TSHZ2: variants seen among roughly 807,000 people sequenced by gnomAD.
TSHZ2 encodes the protein teashirt zinc finger homeobox 2, also known as teashirt homolog 2.
In TSHZ2, 21 loss-of-function variants were observed where a neutral mutation model predicts 74.4. The observed-to-expected ratio is 0.28, with a 90% CI of 0.20 to 0.41. The LOEUF (loss-of-function observed/expected upper bound fraction) is 0.41, where lower values mean the gene tolerates loss of function less well. TSHZ2 is among the 10% of genes least tolerant of loss of function. TSHZ2 has a pLI of 1.00. For missense variants in TSHZ2, 1,244 were observed against 1,293.5 expected, an observed-to-expected ratio of 0.96 and a Z score of 0.59; for synonymous variants, 540 against 515.3, an observed-to-expected ratio of 1.05 and a Z score of -0.65.
At chr20:53,051,494 C>CACACACAA (rs1234256850) in intron 1 of TSHZ2, among the ~76,000 whole-genome samples, 4 of 147,798 alleles carry the variant, frequency 2.7e-5, no homozygotes, top group Admixed American at 1.3e-4. Context: ...CACACACACA[C>CACACACAA]AATTCAGGTG....
intron 2 of TSHZ2, among the ~76,000 whole-genome samples, chr20:53,443,687 G>C (rs1273650297): frequency 2.0e-5 from 3 of 152,202 alleles, no homozygotes; most frequent in Non-Finnish European, 4.4e-5. Flanking sequence ...GAAGGGGCTT[G>C]GCAGTCACAC....
chr20:53,231,320 C>A (rs1263942831), intron 1 of TSHZ2, among the ~76,000 whole-genome samples: 1 of 152,150 alleles, frequency 6.6e-6, no homozygotes, highest in Non-Finnish European at 1.5e-5. Context: ...GTAAATCAAC[C>A]CATGCGCCCC....
intron 2 of TSHZ2, among the ~76,000 whole-genome samples, chr20:53,452,162 G>A (rs972614939): frequency 2.0e-5 from 3 of 152,226 alleles, no homozygotes; most frequent in Non-Finnish European, 2.9e-5. Context: ...CTAGGCAAGT[G>A]GCTTAGGGCT....
intron 1 of TSHZ2, among the ~76,000 whole-genome samples, chr20:53,217,116 C>G (rs998949961): frequency 1.4e-4 from 22 of 152,192 alleles, no homozygotes; most frequent in Non-Finnish European, 1.0e-4. Flanking sequence ...GCGGCTGTAT[C>G]GATGGATGAG....
intron 1 of TSHZ2, among the ~76,000 whole-genome samples, chr20:53,170,534 C>T (rs973819362): frequency 4.6e-5 from 7 of 152,118 alleles, no homozygotes; most frequent in African/African-American, 9.7e-5. Context: ...TGGCGGGGGC[C>T]GGGGAGGCTG....
intron 1 of TSHZ2, among the ~76,000 whole-genome samples, chr20:53,090,762 G>A (rs1015861016): frequency 2.6e-5 from 4 of 152,232 alleles, no homozygotes; most frequent in East Asian, 1.9e-4. Context: ...AGGCTTCATC[G>A]AGCCTCTGGT....
chr20:53,388,431 C>T (rs142615370), intron 2 of TSHZ2, among the ~76,000 whole-genome samples: 63 of 152,144 alleles, frequency 4.1e-4, no homozygotes, highest in East Asian at 3.5e-3. Context: ...ACAGGAAATG[C>T]GCATCAAAAC....
intron 2 of TSHZ2, among the ~76,000 whole-genome samples, chr20:53,482,140 T>C (rs1986169852): frequency 8.2e-6 from 1 of 122,352 alleles, no homozygotes; most frequent in Non-Finnish European, 1.7e-5. Context: ...AAAAAGTAAC[T>C]ATACTCAGAT....
intron 1 of TSHZ2, among the ~76,000 whole-genome samples, chr20:53,106,964 C>T (rs1986395253): frequency 2.0e-5 from 3 of 152,130 alleles, no homozygotes; most frequent in Admixed American, 2.0e-4. Context: ...TCCCAAAGTC[C>T]TGGGATTACA....
intron 1 of TSHZ2, among the ~76,000 whole-genome samples, chr20:53,026,292 C>T (rs1281200289): frequency 6.6e-6 from 1 of 152,050 alleles, no homozygotes; most frequent in African/African-American, 2.4e-5. Flanking sequence ...CCACCTCTGG[C>T]CCCAACTGTA....
intron 1 of TSHZ2, among the ~76,000 whole-genome samples, chr20:53,025,749 T>C (rs1983415563): frequency 6.6e-6 from 1 of 152,158 alleles, no homozygotes; most frequent in Non-Finnish European, 1.5e-5. Context: ...ACAAAATGAA[T>C]CCTCTCTTGA....
At chr20:53,366,185 T>C (rs1339249744) in intron 2 of TSHZ2, among the ~76,000 whole-genome samples, 2 of 152,208 alleles carry the variant, frequency 1.3e-5, no homozygotes, top group African/African-American at 2.4e-5. Flanking sequence ...TTGGAGTAAG[T>C]CACAACTTAC....
chr20:53,335,141 G>T (rs768062034), intron 2 of TSHZ2, among the ~76,000 whole-genome samples: 1 of 152,140 alleles, frequency 6.6e-6, no homozygotes, highest in Non-Finnish European at 1.5e-5. Context: ...AGCAAGCAGC[G>T]TCAGCATCGC....
intron 1 of TSHZ2, among the ~76,000 whole-genome samples, chr20:53,222,183 C>A (rs947731162): frequency 6.6e-6 from 1 of 152,206 alleles, no homozygotes; most frequent in African/African-American, 2.4e-5. Flanking sequence ...CAGCAGTCCA[C>A]TCTACCCCTC....
chr20:53,155,904 C>T (rs984872467), intron 1 of TSHZ2, among the ~76,000 whole-genome samples: 4 of 152,118 alleles, frequency 2.6e-5, no homozygotes, highest in Non-Finnish European at 4.4e-5. Flanking sequence ...GACAATACCA[C>T]CCCTGGATGT....
At chr20:53,218,059 G>A (rs924641050) in intron 1 of TSHZ2, among the ~76,000 whole-genome samples, 7 of 152,158 alleles carry the variant, frequency 4.6e-5, no homozygotes, top group Non-Finnish European at 1.5e-5. Context: ...TGAGAAAGCC[G>A]AGGCTCCTTT....
chr20:53,118,953 C>T (rs775227880), intron 1 of TSHZ2, among the ~76,000 whole-genome samples: 5 of 151,786 alleles, frequency 3.3e-5, no homozygotes, highest in Non-Finnish European at 7.4e-5. Flanking sequence ...GAAGTGGGAG[C>T]GAGAGGGAGA....
At chr20:53,341,111 T>C (rs1405744211) in intron 2 of TSHZ2, among the ~76,000 whole-genome samples, 1 of 152,180 alleles carries the variant, frequency 6.6e-6, no homozygotes, top group Non-Finnish European at 1.5e-5. Context: ...TAGAGGACAG[T>C]CCCTGGCACA....
Position 53,255,515 on chromosome 20 carries a change from C to T in TSHZ2, c.2057C>T (p.Ala686Val). Residue 686 changes from alanine to valine, a missense_variant, in exon 2 of 3, where the codon GCC becomes GTC. Physicochemically the swap from Ala to Val is moderately conservative, Grantham distance 64. This residue lies in a region of TSHZ2 where 562 missense variants were observed against 544.0 expected (regional missense o/e 1.03). Coordinates refer to ENST00000371497, the MANE Select transcript of TSHZ2 (RefSeq NM_173485.6). The surrounding 1 kb of genome is among the most constrained non-coding windows in gnomAD (Gnocchi z 4.1). ...AATGGGTGCGCCCTCGCCAACCACG[C>T]CCCGGCCCTGCCATGCATCAACCCA... ...LSNGCALANHAPALPCINPLS... is the reference protein window; with the variant it reads ...LSNGCALANHVPALPCINPLS... 6.3e-7 allele frequency: 1 copy of T among 1,588,926 alleles called. No individual in the cohort carries two copies. The highest frequency in any genetic ancestry group is 8.5e-7 in the Non-Finnish European group (1 of 1,169,992).
Sources: gnomAD v4.1 joint callset for allele counts (sites outside exome capture counted in the v4.1 genomes callset) on GRCh38, gnomAD v4.1.1 for gene constraint, gnomAD v4.1.1 regional missense constraint, Gnocchi (gnomAD v3.1) non-coding constraint, MANE v1.5 for transcripts, NCBI Gene and HGNC (gene_info 2026-07-23, HGNC 2026-07-21) for gene names.